IGFBP1: variants seen among roughly 807,000 people sequenced by gnomAD.
The protein encoded by IGFBP1 is insulin like growth factor binding protein 1.
In IGFBP1, 31 loss-of-function variants were observed where a neutral mutation model predicts 23.1. The observed-to-expected ratio is 1.34, with a 90% CI of 1.01 to 1.81. The LOEUF is 1.81. IGFBP1 is among the 40% of genes most tolerant of loss of function. The pLI is 0.00. For synonymous variants in IGFBP1, 148 were observed against 145.5 expected, an observed-to-expected ratio of 1.02 and a Z score of -0.13; for missense variants, 333 against 342.2, an observed-to-expected ratio of 0.97 and a Z score of 0.21.
chr7:45,889,126 C>T, intron 1 of IGFBP1, 125 bp downstream of exon 1: 1 of 703,676 alleles, frequency 1.4e-6, no homozygotes, highest in Admixed American at 3.8e-5. Context: ...ACAACTAGAG[C>T]TTGAAACCAG....
Position 45,890,526 on chromosome 7 carries a change from G to T in IGFBP1, c.350-22G>T, listed in dbSNP as rs766121197. On this transcript the variant is annotated intron_variant, in intron 1 of 3. Coordinates refer to ENST00000275525, the MANE Select transcript of IGFBP1 (RefSeq NM_000596.4). Reference sequence around the variant, plus strand: ...CAGATGCTTTGGGAGGGCTCATGGGGTCTGCAATGTTTCCTTTCCAGAGGC... The same window carrying T: ...CAGATGCTTTGGGAGGGCTCATGGGTTCTGCAATGTTTCCTTTCCAGAGGC... 2.5e-6 allele frequency: 4 copies of T among 1,594,514 alleles called. No homozygotes were observed. The Admixed American group carries it at 5.2e-5, about 21-fold the overall frequency.
rs747805510 is a variant in IGFBP1 at position 45,892,945 on chromosome 7, G to T, written c.649-15G>T. 1.9e-6 allele frequency: 3 copies of T among 1,609,598 alleles called. No individual in the cohort carries two copies. The highest frequency in any genetic ancestry group is 2.7e-5 in the African/African-American group (2 of 74,824). ...TTGTCATCTGCTGCTCTTGACCTTG[G>T]TCTTGTCTTTGCAGTGTGAGACATC... On this transcript the variant is annotated splice_polypyrimidine_tract_variant and intron_variant, in intron 3 of 3. Coordinates refer to ENST00000275525, the MANE Select transcript of IGFBP1 (RefSeq NM_000596.4).
rs147051230 is a variant in IGFBP1, at chr7:45,888,685, G to A, written c.33G>A (p.Leu11=). Residue 11 remains leucine (L), a synonymous_variant, in exon 1 of 4, where the codon CTG becomes CTA. Transcript: ENST00000275525. The part of the protein sequence containing the change: MSEVPVARVW[L]VLLLLTVQVG... ...AGGTCCCCGTTGCTCGCGTCTGGCT[G>A]GTACTGCTCCTGCTGACTGTCCAGG... The A allele has an allele frequency of 1.9e-6, 3 of 1,598,214 alleles. No homozygotes were observed. The highest frequency in any genetic ancestry group is 2.2e-5 in the South Asian group (2 of 90,864).
At chr7:45,892,085 C>T (rs767692464) in intron 3 of IGFBP1, 25 bp downstream of exon 3, 39 of 1,611,944 alleles carry the variant, frequency 2.4e-5, no homozygotes, top group Admixed American at 2.0e-4. Flanking sequence ...CAGTGTGCGT[C>T]GTCAGGGTGA....
At chr7:45,889,784 G>A (rs1190348158) in intron 1 of IGFBP1, among the ~76,000 whole-genome samples, 2 of 152,322 alleles carry the variant, frequency 1.3e-5, no homozygotes, top group East Asian at 3.9e-4. Flanking sequence ...TCCATACCCT[G>A]ATAGGGTGTT....
rs754485600 is a variant in IGFBP1 at position 45,893,051 on chromosome 7, G to T, written c.740G>T (p.Gly247Val). The T allele has an allele frequency of 2.7e-5, 43 of 1,612,554 alleles. No individual in the cohort carries two copies. The Admixed American group carries it at 7.0e-4, about 26-fold the overall frequency. Residue 247 changes from glycine to valine, a missense_variant, in exon 4 of 4, where the codon GGA (glycine) becomes GTA (valine). Transcript: ENST00000275525. ...KRIPGSPEIRGDPNCQIYFNV... is the reference protein window; with the variant it reads ...KRIPGSPEIRVDPNCQIYFNV... Reference sequence around the variant, plus strand: ...ATCCCTGGGTCTCCAGAGATCAGGGGAGACCCCAACTGCCAGATATATTTT... The same window carrying T: ...ATCCCTGGGTCTCCAGAGATCAGGGTAGACCCCAACTGCCAGATATATTTT...
In IGFBP1 at chr7:45,888,630, CT is replaced by C. The variant is rs1562794751; in HGVS notation, c.-22del. The C allele has an allele frequency of 1.3e-6, 2 of 1,579,604 alleles. No individual in the cohort carries two copies. The highest frequency in any genetic ancestry group is 2.3e-5 in the South Asian group (2 of 88,342). The stretch of plus-strand genomic sequence containing the variant: ...CCACCAGCCCAGAGAGCATCGGCCC[CT>C]GTCTGCTGCTCGCGCCTGGAGATGT... On this transcript the variant is annotated 5_prime_UTR_variant, in exon 1 of 4. Transcript: ENST00000275525.
At chr7:45,889,542 T>A (rs1046358067) in intron 1 of IGFBP1, among the ~76,000 whole-genome samples, 6 of 152,242 alleles carry the variant, frequency 3.9e-5, no homozygotes, top group Non-Finnish European at 7.3e-5. Flanking sequence ...CAGAACATAA[T>A]GTGAGAGTTG....
intron 1 of IGFBP1, among the ~76,000 whole-genome samples, chr7:45,890,150 C>A (rs1787056243): frequency 6.6e-6 from 1 of 152,134 alleles, no homozygotes; most frequent in African/African-American, 2.4e-5. Context: ...TAGTAAAATC[C>A]CCATTTTAAG....
rs369204510 is a variant in IGFBP1, at chr7:45,889,585, A to G, written c.349+584A>G. Reference sequence around the variant, plus strand: ...AAGCTTCACTTCCATTCATTGCCATAGAAAAACAATGTTTGATGTGTATGT... The same window carrying G: ...AAGCTTCACTTCCATTCATTGCCATGGAAAAACAATGTTTGATGTGTATGT... On this transcript the variant is annotated intron_variant, in intron 1 of 3. Coordinates refer to ENST00000275525, the MANE Select transcript of IGFBP1 (RefSeq NM_000596.4). Among the ~76,000 whole-genome samples, 6 of 152,364 alleles carry G rather than the reference A, an allele frequency of 3.9e-5. No homozygotes were observed. The East Asian group carries it at 1.2e-3, about 29-fold the overall frequency.
At chr7:45,892,927 C>G in intron 3 of IGFBP1, 33 bp from the exon 4 acceptor site, 1 of 1,601,850 alleles carries the variant, frequency 6.2e-7, no homozygotes, top group Non-Finnish European at 8.5e-7. Flanking sequence ...AGCTTGTCAT[C>G]TGCTGCTCTT....
intron 2 of IGFBP1, 110 bp from the exon 3 acceptor site, chr7:45,891,822 C>A: frequency 9.2e-7 from 1 of 1,092,178 alleles, no homozygotes; most frequent in Non-Finnish European, 1.3e-6. Flanking sequence ...TCCCCGTGGC[C>A]AGATCGTAGG....
chr7:45,888,748 C>A lies in IGFBP1; in HGVS notation c.96C>A (p.Pro32=). 1.9e-6 allele frequency: 3 copies of A among 1,588,890 alleles called. No individual in the cohort carries two copies. The highest frequency in any genetic ancestry group is 2.6e-6 in the Non-Finnish European group (3 of 1,176,244). The change falls in exon 1 of 4, where the codon CCC becomes CCA. Residue 32 remains proline, a synonymous_variant. Transcript: ENST00000275525. ...VTAGAPWQCA[P]CSAEKLALCP... ...CCGGCGCTCCGTGGCAGTGCGCGCC[C>A]TGCTCCGCCGAGAAGCTCGCGCTCT...
rs1286568446 is a variant in IGFBP1 at position 45,888,966 on chromosome 7, T to A, written c.314T>A (p.Val105Glu). 8 of 1,520,842 alleles carry A rather than the reference T, an allele frequency of 5.3e-6. No homozygotes were observed. The highest frequency in any genetic ancestry group is 1.4e-5 in the African/African-American group (1 of 70,262). 94.2% of individuals were successfully genotyped at this position (1,520,842 alleles called of 1,614,324 possible). Residue 105 changes from valine to glutamate, a missense_variant, in exon 1 of 4, where the codon GTG (valine) becomes GAG (glutamate). By Grantham distance (121) the Val-to-Glu change is moderately radical. Transcript: ENST00000275525. ...CTCACCCGCGGCCAAGGCGCCTGCG[T>A]GCAGGAGTCTGACGCCTCCGCTCCC... ...HALTRGQGAC[V>E]QESDASAPHA... is the part of the protein sequence containing the mutation.
intron 2 of IGFBP1, among the ~76,000 whole-genome samples, chr7:45,891,040 C>T (rs1434238113): frequency 6.6e-6 from 1 of 152,180 alleles, no homozygotes; most frequent in Non-Finnish European, 1.5e-5. Context: ...TAACTGCTTT[C>T]ACCCCCATTG....
At chr7:45,892,197 A>T (rs1787090486) in intron 3 of IGFBP1, 137 bp downstream of exon 3, 1 of 879,222 alleles carries the variant, frequency 1.1e-6, no homozygotes, top group Admixed American at 2.6e-5. Flanking sequence ...AGCCAGATCC[A>T]CCCCTCTGGG....
intron 3 of IGFBP1, 89 bp from the exon 4 acceptor site, chr7:45,892,871 C>T (rs1180419528): frequency 2.0e-5 from 27 of 1,329,780 alleles, no homozygotes; most frequent in African/African-American, 2.9e-5. Flanking sequence ...CTGCAGTGCT[C>T]GGCTGCACTG....
chr7:45,892,645 C>T lies in IGFBP1; in HGVS notation c.649-315C>T, dbSNP rs1014574953. ...GCTTCACAGGCAATGAACAGTGGGG[C>T]ACACACGAGACATGTTCCCTCTGGG... On this transcript the variant is annotated intron_variant, in intron 3 of 3. Transcript: ENST00000275525. 8.6e-4 allele frequency among the ~76,000 whole-genome samples: 131 copies of T among 152,328 alleles called. 1 individual carries two copies. Among genetic ancestry groups the T allele is most frequent in the African/African-American group, 3.1e-3 (128 of 41,580 alleles).
At chr7:45,890,371 T>C (rs1224935363) in intron 1 of IGFBP1, among the ~76,000 whole-genome samples, 177 bp from the exon 2 acceptor site, 1 of 152,194 alleles carries the variant, frequency 6.6e-6, no homozygotes, top group Non-Finnish European at 1.5e-5. Context: ...GGGACATAAC[T>C]CTTCCTGGAA....
Sources: gnomAD v4.1 joint callset for allele counts (sites outside exome capture counted in the v4.1 genomes callset) on GRCh38, gnomAD v4.1.1 for gene constraint, MANE v1.5 for transcripts, NCBI Gene and HGNC (gene_info 2026-07-23, HGNC 2026-07-21) for gene names.